KCNA6: variants seen among roughly 807,000 people sequenced by gnomAD.
KCNA6 encodes potassium voltage-gated channel subfamily A member 6.
A neutral mutation model predicts 29.5 loss-of-function variants in KCNA6; 17 were observed. The observed-to-expected ratio is 0.58, with a 90% CI of 0.39 to 0.86. KCNA6 has a LOEUF of 0.86. Ranked by LOEUF, KCNA6 falls within the 40% of genes least tolerant of loss-of-function variation. The pLI, the probability that KCNA6 is intolerant of heterozygous loss-of-function variation, is 0.00. For missense variants in KCNA6, 450 were observed against 703.4 expected (o/e 0.64, Z 4.07); for synonymous variants, 296 against 304.7 (o/e 0.97, Z 0.30).
rs1233740274 is a variant in KCNA6, at chr12:4,811,893, A to G, written c.*262A>G. 2 of 492,586 alleles carry G rather than the reference A, an allele frequency of 4.1e-6. No homozygotes were observed. Among genetic ancestry groups the G allele is most frequent in the Non-Finnish European group, 7.4e-6 (2 of 268,532 alleles). 30.5% of individuals were successfully genotyped at this position (492,586 alleles called of 1,614,324 possible). A position where few individuals can be genotyped will look rare whatever the true frequency, so the allele number is the denominator to read the frequency against. The stretch of plus-strand genomic sequence containing the variant: ...ATGCCCAGCTTCTGTCATATGAATG[A>G]GATATACATTTATGTCTGACCTTCC... On this transcript the variant is annotated 3_prime_UTR_variant, in exon 1 of 1. Transcript: ENST00000280684. The surrounding 1 kb of genome is among the most constrained non-coding windows in gnomAD (Gnocchi z 7.1).
At chr12:4,817,889 T>C (rs1381728959), downstream of KCNA6, among the ~76,000 whole-genome samples, 2 of 152,230 alleles carry the variant, frequency 1.3e-5, no homozygotes, top group African/African-American at 2.4e-5. Flanking sequence ...TGCTGCAGGC[T>C]GCAAGGAGCG....
rs770437452 is a variant in KCNA6, at chr12:4,811,447, C to A, written c.1406C>A (p.Thr469Lys). The change falls in exon 1 of 1, where the codon ACG (threonine) becomes AAG (lysine). Residue 469 changes from threonine (T) to lysine (K), a missense_variant. Thr to Lys is a moderately conservative substitution (Grantham distance 78). This residue lies in a region of KCNA6 where 57 missense variants were observed against 140.3 expected (regional missense o/e 0.41). Transcript: ENST00000280684. The surrounding 1 kb of genome is among the most constrained non-coding windows in gnomAD (Gnocchi z 7.1). ...TTCAACTACTTCTACCACCGGGAGA[C>A]GGAGCAGGAGGAGCAAGGCCAGTAT... 8.1e-6 allele frequency: 13 copies of A among 1,614,076 alleles called. No individual in the cohort carries two copies. The highest frequency in any genetic ancestry group is 1.0e-5 in the Non-Finnish European group (12 of 1,180,042).
the KCNA6 span, among the ~76,000 whole-genome samples, chr12:4,844,308 G>A: frequency 3.3e-5 from 5 of 152,230 alleles, no homozygotes; most frequent in East Asian, 5.8e-4. This position sits in a 1 kb window ranked among gnomAD's most constrained non-coding sequence, Gnocchi z 4.0. Flanking sequence ...TAATGAGGTG[G>A]TGCCCTTTAT....
the KCNA6 span, among the ~76,000 whole-genome samples, chr12:4,832,582 G>A: frequency 6.6e-6 from 1 of 152,184 alleles, no homozygotes; most frequent in African/African-American, 2.4e-5. Flanking sequence ...TTGCAGGCCT[G>A]CATTGAGACA....
the KCNA6 span, among the ~76,000 whole-genome samples, chr12:4,827,233 T>TTCCTTCC: frequency 1.4e-5 from 2 of 141,198 alleles, no homozygotes; most frequent in African/African-American, 2.6e-5. Flanking sequence ...TCCTTCCTCC[T>TTCCTTCC]TCCTTCCTTC....
chr12:4,816,276 G>A (rs1016257399), downstream of KCNA6, among the ~76,000 whole-genome samples: 3 of 151,624 alleles, frequency 2.0e-5, no homozygotes, highest in Non-Finnish European at 2.9e-5. Context: ...GTGTGTGTGT[G>A]TGTGTGTGTG....
In KCNA6 at chr12:4,813,325, TC is replaced by T. The variant is rs1946650832; in HGVS notation, c.*1698del. 6.0e-6 allele frequency: 1 copy of T among 166,960 alleles called. No individual in the cohort carries two copies. Among genetic ancestry groups the T allele is most frequent in the East Asian group, 1.9e-4 (1 of 5,178 alleles). 10.3% of individuals were successfully genotyped at this position (166,960 alleles called of 1,614,324 possible). On this transcript the variant is annotated 3_prime_UTR_variant, in exon 1 of 1. Transcript: ENST00000280684. ...CCATTAAATGGGAACATTACTGTCTTCCCCTCCCTACCTCATGGGGAATGTC... is the reference window on the plus strand; with the variant it reads ...CCATTAAATGGGAACATTACTGTCTTCCCTCCCTACCTCATGGGGAATGTC...
At chr12:4,847,599 C>T in the KCNA6 span, among the ~76,000 whole-genome samples, 1 of 151,980 alleles carries the variant, frequency 6.6e-6, no homozygotes, top group African/African-American at 2.4e-5. Flanking sequence ...GCAGCCTGTT[C>T]TTCTTTCATG....
chr12:4,813,252 C>A (rs41276716), exon 1 of KCNA6: 112 of 167,128 alleles, frequency 6.7e-4, no homozygotes, highest in Non-Finnish European at 1.5e-3. Context: ...CATAACTTTA[C>A]AGGGTAACTT....
the KCNA6 span, among the ~76,000 whole-genome samples, chr12:4,820,534 A>G: frequency 7.8e-6 from 1 of 128,846 alleles, no homozygotes; most frequent in African/African-American, 3.1e-5. Context: ...ATGGAACTGT[A>G]AGGATTACCT....
chr12:4,833,775 C>G, the KCNA6 span, among the ~76,000 whole-genome samples: 13 of 152,138 alleles, frequency 8.5e-5, no homozygotes, highest in Admixed American at 2.0e-4. Flanking sequence ...TCCTATGAGC[C>G]TTTCCTTAGG....
At chr12:4,809,437 C>T (rs559936596) in exon 1 of KCNA6, 11 of 151,858 alleles carry the variant, frequency 7.2e-5, no homozygotes, top group Admixed American at 7.2e-4. Context: ...CCCGGGCCCT[C>T]TGCGAGGCCT....
chr12:4,829,925 A>G, the KCNA6 span, among the ~76,000 whole-genome samples: 1 of 152,230 alleles, frequency 6.6e-6, no homozygotes, highest in Admixed American at 6.5e-5. Flanking sequence ...CCGAGGCTGC[A>G]CAGCTTCTCC....
At chr12:4,819,368 C>G in the KCNA6 span, among the ~76,000 whole-genome samples, 1 of 152,224 alleles carries the variant, frequency 6.6e-6, no homozygotes, top group Non-Finnish European at 1.5e-5. Context: ...GTTTTCCTAC[C>G]CTGTTCCAGT....
the KCNA6 span, among the ~76,000 whole-genome samples, chr12:4,843,749 C>T: frequency 2.6e-5 from 4 of 152,042 alleles, no homozygotes; most frequent in African/African-American, 7.2e-5. Context: ...AGCAAGAGAG[C>T]GAGGTGGGCA....
chr12:4,819,552 G>A, the KCNA6 span, among the ~76,000 whole-genome samples: 1 of 152,202 alleles, frequency 6.6e-6, no homozygotes, highest in Non-Finnish European at 1.5e-5. Context: ...GTTGGAAGAA[G>A]CCAGCTCCCC....
the KCNA6 span, among the ~76,000 whole-genome samples, chr12:4,830,568 T>C: frequency 6.6e-6 from 1 of 152,218 alleles, no homozygotes; most frequent in South Asian, 2.1e-4. Context: ...CATCTGCCCC[T>C]TCCGCCATCC....
Position 4,810,547 on chromosome 12 carries a change from G to A in KCNA6, c.506G>A (p.Ser169Asn). Residue 169 changes from serine (S) to asparagine (N), a missense_variant, in exon 1 of 1, where the codon AGC (serine) becomes AAC (asparagine). Coordinates refer to ENST00000280684, the Ensembl canonical transcript of KCNA6. This position sits in a 1 kb window ranked among gnomAD's most constrained non-coding sequence, Gnocchi z 7.5. ...TGGCTGCTCTTTGAGTACCCAGAGA[G>A]CTCTGGGCCGGCCAGGGGCATCGCC... 2 of 1,614,170 alleles carry A rather than the reference G, an allele frequency of 1.2e-6. No individual in the cohort carries two copies. Among genetic ancestry groups the A allele is most frequent in the Non-Finnish European group, 1.7e-6 (2 of 1,180,040 alleles).
Position 4,810,821 on chromosome 12 carries a change from A to G in KCNA6, c.780A>G (p.Thr260=), listed in dbSNP as rs1220781924. ...GTACTCTTGGGGGCTCCTTCTTTAC[A>G]GACCCCTTCTTTCTGGTGGAGACGC... The change falls in exon 1 of 1, where the codon ACA becomes ACG. Residue 260 remains threonine (T), a synonymous_variant. Coordinates refer to ENST00000280684, the Ensembl canonical transcript of KCNA6. This position sits in a 1 kb window ranked among gnomAD's most constrained non-coding sequence, Gnocchi z 7.5. The G allele has an allele frequency of 6.3e-7, 1 of 1,594,428 alleles. No individual in the cohort carries two copies. The highest frequency in any genetic ancestry group is 1.3e-5 in the African/African-American group (1 of 74,448).
Sources: gnomAD v4.1 joint callset for allele counts (sites outside exome capture counted in the v4.1 genomes callset) on GRCh38, gnomAD v4.1.1 for gene constraint, gnomAD v4.1.1 regional missense constraint, Gnocchi (gnomAD v3.1) non-coding constraint, MANE v1.5 for transcripts, NCBI Gene and HGNC (gene_info 2026-07-23, HGNC 2026-07-21) for gene names.